RBM39: variants seen among roughly 807,000 people sequenced by gnomAD.
RBM39 encodes the protein RNA-binding protein 39.
RBM39 carries 12 observed loss-of-function variants against 79.6 expected under a neutral mutation model. The ratio of observed to expected loss-of-function variants is 0.15; its 90% confidence interval spans 0.10 to 0.24. The LOEUF (loss-of-function observed/expected upper bound fraction) is 0.24. Ranked by LOEUF, RBM39 falls within the 10% of genes least tolerant of loss-of-function variation. RBM39 has a pLI of 1.00. For synonymous variants in RBM39, 185 were observed against 208.4 expected (o/e 0.89, Z 0.97); for missense variants, 243 against 653.4 (o/e 0.37, Z 6.85).
chr20:35,729,688 G>T, intron 4 of RBM39, 161 bp from the exon 5 acceptor site: 1 of 655,704 alleles, frequency 1.5e-6, no homozygotes. Flanking sequence ...TTATTCCCAG[G>T]CAAGCTGCCC....
intron 9 of RBM39, among the ~76,000 whole-genome samples, chr20:35,719,528 T>C (rs2037625410): frequency 1.3e-5 from 2 of 151,724 alleles, no homozygotes; most frequent in Non-Finnish European, 2.9e-5. Context: ...ACACCAAAAA[T>C]TAGCTGGGCG....
chr20:35,721,941 A>G (rs1329340927), intron 8 of RBM39, 64 bp from the exon 9 acceptor site: 15 of 1,526,518 alleles, frequency 9.8e-6, no homozygotes, highest in Non-Finnish European at 1.4e-5. Flanking sequence ...TACACCTTCC[A>G]TTTGCATAAC....
intron 4 of RBM39, among the ~76,000 whole-genome samples, chr20:35,729,937 T>C (rs1362342485): frequency 6.6e-6 from 1 of 152,172 alleles, no homozygotes; most frequent in African/African-American, 2.4e-5. Flanking sequence ...ATTTGGTGTG[T>C]ATCTTTGCAG....
chr20:35,726,803 C>T (rs7263640), intron 6 of RBM39, among the ~76,000 whole-genome samples: 15,916 of 152,070 alleles, frequency 0.1, 867 homozygotes, highest in South Asian at 0.14. Context: ...GGGGTGGTCG[C>T]TCCACCTGTA....
At position 35,704,529 on chromosome 20, in the gene RBM39, A is replaced by G. The variant is rs778309152; in HGVS notation, c.1545T>C (p.Phe515=). Residue 515 remains phenylalanine (F), a synonymous_variant, in exon 17 of 17, where the codon TTT becomes TTC. Transcript: ENST00000253363. ...GCTGTGTTGCTGTCATAGAATCAGG[A>G]AACAGGTTGTGGTAAGTTGGAAGAG... ...YVPLPTYHNL[F]PDSMTATQLL... 4 of 1,613,586 alleles carry G rather than the reference A, an allele frequency of 2.5e-6. No individual in the cohort carries two copies. Among genetic ancestry groups the G allele is most frequent in the Non-Finnish European group, 3.4e-6 (4 of 1,179,700 alleles).
At chr20:35,711,963 A>G (rs779857860) in intron 12 of RBM39, among the ~76,000 whole-genome samples, 4 of 152,168 alleles carry the variant, frequency 2.6e-5, no homozygotes, top group South Asian at 2.1e-4. Flanking sequence ...TGTGGTGGGA[A>G]ATGTCTGTGA....
intron 12 of RBM39, among the ~76,000 whole-genome samples, chr20:35,711,668 G>A (rs2036431067): frequency 6.6e-6 from 1 of 152,084 alleles, no homozygotes. Context: ...CACTAAGAAG[G>A]CAAAACAGTG....
intron 8 of RBM39, 38 bp downstream of exon 8, chr20:35,724,529 ACAC>A (rs1331847176): frequency 1.9e-6 from 3 of 1,601,836 alleles, no homozygotes; most frequent in African/African-American, 1.3e-5. Context: ...GAGGCTTTCA[ACAC>A]CACCAATAAT....
chr20:35,738,854 C>G, intron 3 of RBM39, 114 bp downstream of exon 3: 1 of 922,198 alleles, frequency 1.1e-6, no homozygotes. Context: ...CTAAAAGCAG[C>G]AAAGAAAAGC....
intron 4 of RBM39, among the ~76,000 whole-genome samples, chr20:35,730,688 C>G (rs1272925306): frequency 6.6e-6 from 1 of 151,940 alleles, no homozygotes; most frequent in Admixed American, 6.6e-5. Context: ...AGGAATTAAG[C>G]TAATTCCTTT....
At chr20:35,722,609 T>C (rs975375818) in intron 8 of RBM39, among the ~76,000 whole-genome samples, 1 of 151,694 alleles carries the variant, frequency 6.6e-6, no homozygotes, top group African/African-American at 2.4e-5. Flanking sequence ...TATTTTAGAA[T>C]GTTTTCAGAG....
intron 13 of RBM39, chr20:35,707,513 G>T: frequency 4.9e-6 from 1 of 202,554 alleles, no homozygotes; most frequent in Non-Finnish European, 1.0e-5. Context: ...AATCCAAACA[G>T]ATGAAGGATA....
In RBM39 at chr20:35,716,765, C is replaced by A. The variant is rs1291797925; in HGVS notation, c.866G>T (p.Arg289Leu). The A allele has an allele frequency of 6.3e-7, 1 of 1,599,564 alleles. No homozygotes were observed. The highest frequency in any genetic ancestry group is 1.3e-5 in the African/African-American group (1 of 74,412). Residue 289 changes from arginine to leucine, a missense_variant, in exon 10 of 17, where the codon CGA (arginine) becomes CTA (leucine). Transcript: ENST00000253363. ...TGTAATAAATCCATATCCCTTGGATCGACCAGTTTCACTGTCCATCATCAG... is the reference window on the plus strand; with the variant it reads ...TGTAATAAATCCATATCCCTTGGATAGACCAGTTTCACTGTCCATCATCAG... ...IQLMMDSETG[R>L]SKGYGFITFS... is the part of the protein sequence containing the mutation.
At chr20:35,719,842 G>A (rs1049784474) in intron 9 of RBM39, among the ~76,000 whole-genome samples, 1 of 151,936 alleles carries the variant, frequency 6.6e-6, no homozygotes, top group Admixed American at 6.6e-5. Context: ...TGTTATCCAG[G>A]CGTGATCTCG....
At chr20:35,725,237 C>T in intron 6 of RBM39, 82 bp from the exon 7 acceptor site, 1 of 992,242 alleles carries the variant, frequency 1.0e-6, no homozygotes, top group Non-Finnish European at 1.5e-6. Flanking sequence ...TCATATAGTT[C>T]AACAGGTTTT....
chr20:35,741,288 C>T (rs1052024191), intron 1 of RBM39, among the ~76,000 whole-genome samples: 1 of 151,958 alleles, frequency 6.6e-6, no homozygotes, highest in African/African-American at 2.4e-5. Context: ...CCTGCCTCTG[C>T]CTCCCAAACT....
intron 12 of RBM39, among the ~76,000 whole-genome samples, chr20:35,711,848 A>G (rs1327949507): frequency 1.3e-5 from 2 of 152,152 alleles, no homozygotes; most frequent in Admixed American, 1.3e-4. Flanking sequence ...GTATATATAT[A>G]TAAGGTCAAA....
In RBM39 at chr20:35,740,900, C is replaced by G. The variant is rs144406998; in HGVS notation, c.-13-13G>C. On this transcript the variant is annotated splice_polypyrimidine_tract_variant and intron_variant, in intron 1 of 16. Transcript: ENST00000253363. Reference sequence around the variant, plus strand: ...TTTCTCTAAACGCCTAGGAAGAGAACAAGACAATTTCTTGAGTAAACATTT... The same window carrying G: ...TTTCTCTAAACGCCTAGGAAGAGAAGAAGACAATTTCTTGAGTAAACATTT... 3 of 1,585,550 alleles carry G rather than the reference C, an allele frequency of 1.9e-6. No individual in the cohort carries two copies. Among genetic ancestry groups the G allele is most frequent in the Non-Finnish European group, 1.7e-6 (2 of 1,158,860 alleles).
At position 35,703,169 on chromosome 20, in the gene RBM39, ACAGCTTGCTTCC is replaced by A. The variant is rs2035364017; in HGVS notation, c.*1300_*1311del. On this transcript the variant is annotated 3_prime_UTR_variant, in exon 17 of 17. Coordinates refer to ENST00000253363, the MANE Select transcript of RBM39 (RefSeq NM_184234.3). ...TGAAGAGAATTGAGTATAAATGGTG[ACAGCTTGCTTCC>A]CAACTAGTATGAAAGCTCAAAACCC... 6.6e-6 allele frequency: 1 copy of A among 152,210 alleles called. No individual in the cohort carries two copies. The allele number at this position is 152,210 out of a possible 1,614,324, so 9.4% of individuals were successfully genotyped here.
Sources: gnomAD v4.1 joint callset for allele counts (sites outside exome capture counted in the v4.1 genomes callset) on GRCh38, gnomAD v4.1.1 for gene constraint, MANE v1.5 for transcripts, NCBI Gene and HGNC (gene_info 2026-07-23, HGNC 2026-07-21) for gene names.